The following TDRD3 variants were observed in gnomAD, a reference collection of about 807,000 sequenced individuals.
TDRD3 encodes tudor domain-containing protein 3.
In TDRD3, 45 loss-of-function variants were observed where a neutral mutation model predicts 86.7. That is an observed-to-expected ratio of 0.52 (90% CI 0.41 to 0.67). TDRD3 has a LOEUF of 0.67. TDRD3 is among the 30% of genes least tolerant of loss of function. The pLI is 0.00. For synonymous variants in TDRD3, 298 were observed against 301.7 expected (o/e 0.99, Z 0.13); for missense variants, 814 against 889.0 (o/e 0.92, Z 1.07).
At chr13:60,486,515 A>G (rs1956439918) in intron 7 of TDRD3, among the ~76,000 whole-genome samples, 1 of 152,168 alleles carries the variant, frequency 6.6e-6, no homozygotes, top group African/African-American at 2.4e-5. Flanking sequence ...ACACATATAT[A>G]TGAGGTACAT....
chr13:60,572,167 G>A (rs1276086636), intron 13 of TDRD3, among the ~76,000 whole-genome samples: 2 of 152,174 alleles, frequency 1.3e-5, no homozygotes, highest in Non-Finnish European at 2.9e-5. Flanking sequence ...TCCTGGTGGG[G>A]TGGAGTCCTC....
chr13:60,491,701 A>G (rs983216873), intron 7 of TDRD3, among the ~76,000 whole-genome samples: 1 of 152,190 alleles, frequency 6.6e-6, no homozygotes. Context: ...ATGATAAACC[A>G]TATGGGGTTA....
At chr13:60,402,703 T>C (rs1954133381) in intron 1 of TDRD3, among the ~76,000 whole-genome samples, 1 of 147,020 alleles carries the variant, frequency 6.8e-6, no homozygotes, top group African/African-American at 2.5e-5. Flanking sequence ...TTTTTTTTTT[T>C]TTTTTTTTTT....
chr13:60,397,321 A>AAC lies in TDRD3; in HGVS notation c.-44_-43insAC. ...GTCTCAAGTAGGAGGCCTCCCCATC[A>AAC]CCCCCACCCCAGCCCCCCACCACCC... On this transcript the variant is annotated 5_prime_UTR_variant, in exon 1 of 14. It removes the in-frame stop codon of an upstream open reading frame in the 5' UTR. Coordinates refer to ENST00000377881, the MANE Select transcript of TDRD3 (RefSeq NM_001146070.2). 6.3e-6 allele frequency: 7 copies of AAC among 1,113,164 alleles called. No individual in the cohort carries two copies. Among genetic ancestry groups the AAC allele is most frequent in the Non-Finnish European group, 7.2e-6 (6 of 829,452 alleles). 69.0% of individuals were successfully genotyped at this position (1,113,164 alleles called of 1,614,324 possible).
chr13:60,540,781 C>G (rs1957792288), intron 12 of TDRD3, among the ~76,000 whole-genome samples: 1 of 151,926 alleles, frequency 6.6e-6, no homozygotes, highest in Non-Finnish European at 1.5e-5. Context: ...TATGTAAAAA[C>G]ATATTTAAAA....
At chr13:60,538,664 G>A (rs1218694298) in intron 12 of TDRD3, among the ~76,000 whole-genome samples, 1 of 152,028 alleles carries the variant, frequency 6.6e-6, no homozygotes, top group African/African-American at 2.4e-5. Flanking sequence ...AACATTAGGG[G>A]CAAAGAAAAC....
intron 8 of TDRD3, among the ~76,000 whole-genome samples, chr13:60,497,464 C>T (rs1210141337): frequency 6.6e-5 from 10 of 152,112 alleles, no homozygotes; most frequent in Admixed American, 4.6e-4. Flanking sequence ...AACTAAGCTC[C>T]GTGTTTAAAG....
At chr13:60,565,095 G>A (rs1203082369) in intron 12 of TDRD3, among the ~76,000 whole-genome samples, 2 of 123,730 alleles carry the variant, frequency 1.6e-5, no homozygotes, top group Non-Finnish European at 3.1e-5. Flanking sequence ...TCGCTCTGTC[G>A]CCCAGGCCGG....
intron 8 of TDRD3, among the ~76,000 whole-genome samples, chr13:60,496,326 TATATATATATATATATATC>T (rs1956717173): frequency 1.2e-5 from 1 of 81,146 alleles, no homozygotes; most frequent in African/African-American, 3.9e-5. Context: ...TATATATATA[TATATATATATATATATATC>T]CTCTAAAGTT....
chr13:60,440,954 G>T (rs1649064031), intron 2 of TDRD3, among the ~76,000 whole-genome samples: 1 of 152,038 alleles, frequency 6.6e-6, no homozygotes, highest in African/African-American at 2.4e-5. Flanking sequence ...TATATTTATA[G>T]AATTAAACTT....
chr13:60,433,645 A>T (rs563367081), intron 1 of TDRD3, among the ~76,000 whole-genome samples: 2 of 152,352 alleles, frequency 1.3e-5, no homozygotes, highest in South Asian at 4.1e-4. Context: ...TTTAATAAGT[A>T]CAAAGTACAT....
intron 3 of TDRD3, among the ~76,000 whole-genome samples, chr13:60,453,372 A>T (rs758926437): frequency 6.6e-6 from 1 of 152,264 alleles, no homozygotes; most frequent in Non-Finnish European, 1.5e-5. Flanking sequence ...AGTTCTACTT[A>T]GATAAATCTG....
intron 3 of TDRD3, among the ~76,000 whole-genome samples, chr13:60,458,426 C>T (rs968203942): frequency 3.9e-5 from 6 of 152,152 alleles, no homozygotes; most frequent in African/African-American, 1.4e-4. Flanking sequence ...ACCCAGGGGA[C>T]GTAGAACTCC....
rs532123984 is a variant in TDRD3 at position 60,434,181 on chromosome 13, C to T, written c.42-5507C>T. 6.6e-5 allele frequency: 10 copies of T among 152,136 alleles called. 1 individual carries two copies. The South Asian group carries it at 2.1e-3, about 32-fold the overall frequency. The allele number at this position is 152,136 out of a possible 1,614,324, so 9.4% of individuals were successfully genotyped here. A position where few individuals can be genotyped will look rare whatever the true frequency, so the allele number is the denominator to read the frequency against. ...AAATCCCTTTTTAAAAAGTTTTGAG[C>T]ACTTAAGGCTGGGTGTGGTGGCTCA... On this transcript the variant is annotated intron_variant, in intron 1 of 13. Transcript: ENST00000377881.
At chr13:60,525,383 A>G (rs1049825076) in intron 10 of TDRD3, among the ~76,000 whole-genome samples, 2 of 151,570 alleles carry the variant, frequency 1.3e-5, no homozygotes, top group African/African-American at 4.8e-5. Context: ...CATGTTGGCC[A>G]GGCTGGTCTC....
chr13:60,443,159 A>G (rs1955321267), intron 2 of TDRD3, among the ~76,000 whole-genome samples: 1 of 152,028 alleles, frequency 6.6e-6, no homozygotes, highest in Non-Finnish European at 1.5e-5. Context: ...AGAATGGCTA[A>G]CATTTATTGA....
chr13:60,426,504 T>C lies in TDRD3; in HGVS notation c.42-13184T>C, dbSNP rs1954813247. On this transcript the variant is annotated intron_variant, in intron 1 of 13. Coordinates refer to ENST00000377881, the MANE Select transcript of TDRD3 (RefSeq NM_001146070.2). ...GTAACTATTTTACTATCTATATGTATCCTGTAACATCATGTTGTAAACCTT... is the reference window on the plus strand; with the variant it reads ...GTAACTATTTTACTATCTATATGTACCCTGTAACATCATGTTGTAAACCTT... Among the ~76,000 whole-genome samples the C allele has an allele frequency of 2.0e-5, 3 of 152,340 alleles. No homozygotes were observed. In the South Asian group the frequency reaches 6.2e-4, roughly 32 times the overall value.
chr13:60,397,810 G>T (rs953461729), intron 1 of TDRD3, among the ~76,000 whole-genome samples: 1 of 152,012 alleles, frequency 6.6e-6, no homozygotes, highest in East Asian at 1.9e-4. Flanking sequence ...GGCGAGGGCT[G>T]GGAACGAAGT....
At chr13:60,409,950 G>A (rs775734045) in intron 1 of TDRD3, among the ~76,000 whole-genome samples, 7 of 152,154 alleles carry the variant, frequency 4.6e-5, no homozygotes, top group Non-Finnish European at 4.4e-5. Context: ...GAATTCCCAC[G>A]TGTTGTGGGA....
Sources: gnomAD v4.1 joint callset for allele counts (sites outside exome capture counted in the v4.1 genomes callset) on GRCh38, gnomAD v4.1.1 for gene constraint, MANE v1.5 for transcripts, NCBI Gene and HGNC (gene_info 2026-07-23, HGNC 2026-07-21) for gene names.